Variants in DEFB110 observed in about 807,000 individuals in gnomAD.
DEFB110 encodes the protein defensin beta 110, also known as beta-defensin 110.
DEFB110 carries 4 observed loss-of-function variants against 2.5 expected under a neutral mutation model. The ratio of observed to expected loss-of-function variants is 1.60; its 90% CI spans 0.79 to 3.66. The LOEUF (loss-of-function observed/expected upper bound fraction) is 3.66. Ranked by LOEUF, DEFB110 falls within the 30% of genes most tolerant of loss-of-function variation. The probability of loss-of-function intolerance (pLI) is 0.01; values close to 1 mark genes in which losing one functional copy is unlikely to be tolerated. For missense variants in DEFB110, 94 were observed against 75.4 expected, an observed-to-expected ratio of 1.25 and a Z score of -0.91; for synonymous variants, 29 against 21.8, an observed-to-expected ratio of 1.33 and a Z score of -0.92.
At chr6:50,016,237 A>G (rs1240472524), downstream of DEFB110, among the ~76,000 whole-genome samples, 3 of 151,814 alleles carry the variant, frequency 2.0e-5, no homozygotes, top group East Asian at 5.8e-4. Context: ...TGATAAATCT[A>G]ATTTCAATAT....
exon 2 of DEFB110, chr6:50,009,244 C>A (rs777654139): frequency 6.2e-7 from 1 of 1,605,154 alleles, no homozygotes; most frequent in Non-Finnish European, 8.5e-7. Context: ...TCTTTCAAAT[C>A]TATACTTTGG....
intron 1 of DEFB110, among the ~76,000 whole-genome samples, chr6:50,020,219 G>GT (rs149936813): frequency 1.1e-3 from 161 of 149,016 alleles, no homozygotes; most frequent in African/African-American, 2.6e-3. Flanking sequence ...GAAAAGATAT[G>GT]TTTTTTTTTT....
Position 50,018,983 on chromosome 6 carries a change from C to T in DEFB110, c.198G>A (p.Gln66=). Reference sequence around the variant, plus strand: ...CTCTTTTCTTCTGTCATCGTTACTGCTGCAAGCAGCAATGAGTTCCAGGTC... The same window carrying T: ...CTCTTTTCTTCTGTCATCGTTACTGTTGCAAGCAGCAATGAGTTCCAGGTC... ...CIRPGTHCCL[Q]Q The change falls in exon 2 of 2, where the codon CAG becomes CAA. Residue 66 remains glutamine, a synonymous_variant. Transcript: ENST00000371148. 6.2e-7 allele frequency: 1 copy of T among 1,610,432 alleles called. No homozygotes were observed. The highest frequency in any genetic ancestry group is 8.5e-7 in the Non-Finnish European group (1 of 1,178,422).
chr6:50,020,059 T>C (rs1464622371), intron 1 of DEFB110, among the ~76,000 whole-genome samples: 3 of 152,124 alleles, frequency 2.0e-5, no homozygotes, highest in Admixed American at 2.0e-4. Flanking sequence ...TATTTTCTTA[T>C]CAATCATGAA....
At chr6:50,010,200 T>C (rs1020106070) in intron 1 of DEFB110, among the ~76,000 whole-genome samples, 2 of 151,988 alleles carry the variant, frequency 1.3e-5, no homozygotes, top group Non-Finnish European at 2.9e-5. Flanking sequence ...TGTGTGCATA[T>C]ATGTGTCAGG....
rs1582368368 is a variant in DEFB110, at chr6:50,018,903, G to A, written c.*74C>T. 2 of 1,520,372 alleles carry A rather than the reference G, an allele frequency of 1.3e-6. No individual in the cohort carries two copies. The highest frequency in any genetic ancestry group is 2.2e-5 in the Admixed American group (1 of 45,594). The allele number at this position is 1,520,372 out of a possible 1,614,324, so 94.2% of individuals were successfully genotyped here. On this transcript the variant is annotated 3_prime_UTR_variant, in exon 2 of 2. Transcript: ENST00000371148. ...TGTATTATAGAGACACACACGCCTT[G>A]AAGGATGTGCTGGGAAAACTTAATA...
chr6:50,021,151 T>C (rs574288114), intron 1 of DEFB110, among the ~76,000 whole-genome samples: 26 of 152,168 alleles, frequency 1.7e-4, no homozygotes, highest in Non-Finnish European at 3.4e-4. Context: ...ATACTCCCTG[T>C]CAATTGGATG....
At chr6:50,010,609 T>C (rs1774211577) in intron 1 of DEFB110, among the ~76,000 whole-genome samples, 1 of 150,710 alleles carries the variant, frequency 6.6e-6, no homozygotes, top group African/African-American at 2.4e-5. Context: ...ATGTAAATTA[T>C]ATATTTTTGA....
chr6:50,009,683 C>A (rs145233428), intron 1 of DEFB110, among the ~76,000 whole-genome samples: 1 of 152,088 alleles, frequency 6.6e-6, no homozygotes, highest in African/African-American at 2.4e-5. Flanking sequence ...CCTATTTGAA[C>A]ATAGTGGTCA....
chr6:50,021,724 C>T (rs994273632), intron 1 of DEFB110, among the ~76,000 whole-genome samples, 157 bp downstream of exon 1: 2 of 152,098 alleles, frequency 1.3e-5, no homozygotes, highest in Non-Finnish European at 2.9e-5. Flanking sequence ...TCACTATTGT[C>T]TTTATTATCT....
intron 1 of DEFB110, among the ~76,000 whole-genome samples, chr6:50,021,080 C>T (rs115471297): frequency 1.3e-5 from 2 of 151,994 alleles, no homozygotes; most frequent in Non-Finnish European, 2.9e-5. Flanking sequence ...AGTTTGTGTC[C>T]TTGGATTGCT....
chr6:50,010,614 T>G (rs1015869655), intron 1 of DEFB110, among the ~76,000 whole-genome samples: 2 of 150,374 alleles, frequency 1.3e-5, no homozygotes, highest in African/African-American at 4.9e-5. Flanking sequence ...AATTATATAT[T>G]TTTGATGTAT....
At chr6:50,012,624 A>G (rs930977188) in intron 1 of DEFB110, among the ~76,000 whole-genome samples, 11 of 151,992 alleles carry the variant, frequency 7.2e-5, no homozygotes, top group African/African-American at 2.7e-4. Context: ...CCATAATTTT[A>G]TGAAGTAAGT....
intron 1 of DEFB110, among the ~76,000 whole-genome samples, chr6:50,010,325 G>A (rs1329472482): frequency 6.6e-6 from 1 of 151,696 alleles, no homozygotes; most frequent in African/African-American, 2.4e-5. Context: ...GAATCGAATT[G>A]GAATTTAGAA....
At chr6:50,017,527 A>G (rs1051696068), downstream of DEFB110, among the ~76,000 whole-genome samples, 2 of 151,900 alleles carry the variant, frequency 1.3e-5, no homozygotes. Context: ...AAGGATGCTG[A>G]AAAACATATA....
At chr6:50,021,735 G>C (rs1774421145) in intron 1 of DEFB110, 146 bp downstream of exon 1, 4 of 767,936 alleles carry the variant, frequency 5.2e-6, no homozygotes, top group Non-Finnish European at 8.0e-6. Flanking sequence ...TTTATTATCT[G>C]TTCTGGAGTC....
At position 50,018,866 on chromosome 6, in the gene DEFB110, A is replaced by G. The variant is rs887894343; in HGVS notation, c.*111T>C. 1 of 1,439,558 alleles carries G rather than the reference A, an allele frequency of 6.9e-7. No homozygotes were observed. Among genetic ancestry groups the G allele is most frequent in the African/African-American group, 1.4e-5 (1 of 69,226 alleles). The allele number at this position is 1,439,558 out of a possible 1,614,324, so 89.2% of individuals were successfully genotyped here. On this transcript the variant is annotated 3_prime_UTR_variant, in exon 2 of 2. Coordinates refer to ENST00000371148, the MANE Select transcript of DEFB110 (RefSeq NM_001037497.2). ...TCTGAATGGTTCAACATTAATTTTT[A>G]TTTAGTTCTTGTGTATTATAGAGAC...
intron 1 of DEFB110, among the ~76,000 whole-genome samples, chr6:50,009,800 T>C (rs1462391059): frequency 6.6e-6 from 1 of 151,940 alleles, no homozygotes; most frequent in African/African-American, 2.4e-5. Context: ...TAGATCTACA[T>C]AGAGAAACAT....
chr6:50,009,945 A>G (rs1336397977), intron 1 of DEFB110, among the ~76,000 whole-genome samples: 1 of 152,136 alleles, frequency 6.6e-6, no homozygotes, highest in African/African-American at 2.4e-5. Flanking sequence ...TTATATTCAT[A>G]CATTAAACTA....
Sources: gnomAD v4.1 joint callset for allele counts (sites outside exome capture counted in the v4.1 genomes callset) on GRCh38, gnomAD v4.1.1 for gene constraint, MANE v1.5 for transcripts, NCBI Gene and HGNC (gene_info 2026-07-23, HGNC 2026-07-21) for gene names.